The following LGI3 variants were observed in gnomAD, a reference collection of about 807,000 sequenced individuals.
The protein encoded by LGI3 is leucine-rich repeat LGI family member 3.
LGI3 carries 47 observed loss-of-function variants against 55.4 expected under a neutral mutation model. The observed-to-expected ratio is 0.85, with a 90% CI of 0.67 to 1.08. LGI3 has a LOEUF of 1.08. Among genes scored for constraint, LGI3 ranks in the 50% least tolerant of loss-of-function variants. The probability of loss-of-function intolerance (pLI) is 0.00; values close to 1 mark genes in which losing one functional copy is unlikely to be tolerated. For missense variants in LGI3, 664 were observed against 726.3 expected (o/e 0.91, Z 0.99); for synonymous variants, 326 against 315.0 (o/e 1.04, Z -0.37).
At chr8:22,154,745 C>CA in intron 2 of LGI3, 114 bp from the exon 3 acceptor site, 1 of 798,884 alleles carries the variant, frequency 1.3e-6, no homozygotes, top group Non-Finnish European at 2.1e-6. Context: ...GCTGCTACCC[C>CA]TGGGGACCCC....
Position 22,153,933 on chromosome 8 carries a change from C to A in LGI3, c.494+35G>T. The A allele has an allele frequency of 6.2e-6, 10 of 1,601,510 alleles. No individual in the cohort carries two copies. In the South Asian group the frequency reaches 9.9e-5, roughly 16 times the overall value. On this transcript the variant is annotated intron_variant, in intron 5 of 7. Coordinates refer to ENST00000306317, the MANE Select transcript of LGI3 (RefSeq NM_139278.4). ...ACTCCCTCCAGGGATGCGCCCTCTG[C>A]GGCACTGTTGGAAGAGGCAGGACTC...
In LGI3 at chr8:22,156,564, G is replaced by T. The variant is rs2131799403; in HGVS notation, c.-22C>A. 1.9e-6 allele frequency: 2 copies of T among 1,047,680 alleles called. No homozygotes were observed. Among genetic ancestry groups the T allele is most frequent in the Admixed American group, 8.7e-5 (2 of 23,102 alleles). The allele number at this position is 1,047,680 out of a possible 1,614,324, so 64.9% of individuals were successfully genotyped here. A position where few individuals can be genotyped will look rare whatever the true frequency, so the allele number is the denominator to read the frequency against. ...CCATGCTGCCCGCGATCTCTCCCTG[G>T]GGCCGGCGGCCGCGGCCCCCGCCCC... On this transcript the variant is annotated 5_prime_UTR_variant, in exon 1 of 8. Coordinates refer to ENST00000306317, the MANE Select transcript of LGI3 (RefSeq NM_139278.4).
At chr8:22,151,374 A>G (rs1184103898) in intron 7 of LGI3, 115 bp downstream of exon 7, 5 of 978,914 alleles carry the variant, frequency 5.1e-6, no homozygotes, top group Non-Finnish European at 7.7e-6. Context: ...TCTTGTGGGC[A>G]GAGGGTATGT....
intron 2 of LGI3, chr8:22,155,001 G>A (rs915288759): frequency 2.5e-6 from 1 of 404,740 alleles, no homozygotes; most frequent in Non-Finnish European, 4.5e-6. Context: ...AGACACTCCT[G>A]CCATCCCTTT....
rs1827380102 is a variant in LGI3 at position 22,151,655 on chromosome 8, T to G, written c.665-2A>C. 1.2e-6 allele frequency: 2 copies of G among 1,613,400 alleles called. No individual in the cohort carries two copies. The highest frequency in any genetic ancestry group is 1.7e-6 in the Non-Finnish European group (2 of 1,179,726). On this transcript the variant is annotated splice_acceptor_variant, in intron 6 of 7. Transcript: ENST00000306317. LOFTEE classifies it high-confidence loss of function. ...CCAGGGTCTGGTACAACACAAAATCTGCAAGATGAGAGGTGCGTTACTGAA... is the reference window on the plus strand; with the variant it reads ...CCAGGGTCTGGTACAACACAAAATCGGCAAGATGAGAGGTGCGTTACTGAA...
chr8:22,154,043 C>G lies in LGI3; in HGVS notation c.423-4G>C. On this transcript the variant is annotated splice_polypyrimidine_tract_variant and splice_region_variant and intron_variant, in intron 4 of 7. Coordinates refer to ENST00000306317, the MANE Select transcript of LGI3 (RefSeq NM_139278.4). ...CAGGTTATTGTTGGCCAGCGAGCTG[C>G]AAAAGAGACCGCCAGGTCATCTGAA... The G allele has an allele frequency of 1.2e-6, 2 of 1,614,162 alleles. No individual in the cohort carries two copies. The highest frequency in any genetic ancestry group is 1.7e-6 in the Non-Finnish European group (2 of 1,180,022).
chr8:22,149,776 C>T (rs149667493), intron 7 of LGI3, among the ~76,000 whole-genome samples: 29 of 152,222 alleles, frequency 1.9e-4, no homozygotes, highest in African/African-American at 6.5e-4. Context: ...CCCACCTTTC[C>T]CCCAAGAGAA....
intron 5 of LGI3, among the ~76,000 whole-genome samples, chr8:22,152,676 G>C (rs141134056): frequency 1.6e-3 from 238 of 151,500 alleles, no homozygotes; most frequent in African/African-American, 5.4e-3. Flanking sequence ...GGGAGGCAGA[G>C]GTTGCAGTGA....
intron 7 of LGI3, 28 bp downstream of exon 7, chr8:22,151,460 GC>G (rs1827376625): frequency 6.2e-7 from 1 of 1,610,114 alleles, no homozygotes; most frequent in Non-Finnish European, 8.5e-7. Flanking sequence ...CCTAGCAAGG[GC>G]CAGCAGAACC....
chr8:22,151,991 C>G lies in LGI3; in HGVS notation c.504G>C (p.Arg168=), dbSNP rs1384989932. Residue 168 remains arginine, a synonymous_variant, in exon 6 of 8, where the codon CGG becomes CGC. Transcript: ENST00000306317. ...PLDILNDLDL[R]GNSLNCDCKV... The stretch of plus-strand genomic sequence containing the variant: ...TGCAGTCACAGTTGAGTGAGTTGCC[C>G]CGCAGGTCCCTGCATCATGAGGGCA... The G allele has an allele frequency of 6.2e-7, 1 of 1,600,058 alleles. No individual in the cohort carries two copies. Among genetic ancestry groups the G allele is most frequent in the East Asian group, 2.2e-5 (1 of 44,578 alleles).
At position 22,148,838 on chromosome 8, in the gene LGI3, C is replaced by A. The variant is rs148277988; in HGVS notation, c.969G>T (p.Pro323=). The A allele has an allele frequency of 3.1e-6, 5 of 1,614,024 alleles. No individual in the cohort carries two copies. The South Asian group carries it at 3.3e-5, about 11-fold the overall frequency. The change falls in exon 8 of 8, where the codon CCG becomes CCT. Residue 323 remains proline (P), a synonymous_variant. Transcript: ENST00000306317. This position sits in a 1 kb window ranked among gnomAD's most constrained non-coding sequence, Gnocchi z 7.0. ...GGTCGTTAGGCTTGCGCACGCGCTG[C>A]GGGTCAATGTCTTGCAGCCTGGTGA... ...TRFTRLQDID[P]QRVRKPNDLE... is the part of the protein sequence containing the mutation.
chr8:22,150,484 G>A (rs999613096), intron 7 of LGI3, among the ~76,000 whole-genome samples: 13 of 149,252 alleles, frequency 8.7e-5, no homozygotes, highest in South Asian at 6.4e-4. Context: ...TCAACCTCCC[G>A]AGTAGCTGGG....
chr8:22,156,326 T>A lies in LGI3; in HGVS notation c.206+11A>T. 1 of 1,610,692 alleles carries A rather than the reference T, an allele frequency of 6.2e-7. No individual in the cohort carries two copies. The highest frequency in any genetic ancestry group is 8.5e-7 in the Non-Finnish European group (1 of 1,179,266). On this transcript the variant is annotated intron_variant, in intron 1 of 7. Coordinates refer to ENST00000306317, the MANE Select transcript of LGI3 (RefSeq NM_139278.4). Reference sequence around the variant, plus strand: ...CCTCCCCAACCCCCAAGGCCAGGGCTGGACACTCACAGGGAGATGACCTCC... The same window carrying A: ...CCTCCCCAACCCCCAAGGCCAGGGCAGGACACTCACAGGGAGATGACCTCC...
chr8:22,148,060 G>C lies in LGI3; in HGVS notation c.*100C>G. On this transcript the variant is annotated 3_prime_UTR_variant, in exon 8 of 8. Coordinates refer to ENST00000306317, the MANE Select transcript of LGI3 (RefSeq NM_139278.4). This position sits in a 1 kb window ranked among gnomAD's most constrained non-coding sequence, Gnocchi z 7.0. ...GTGCGGATACAAGGGCATGAATGCA[G>C]GTTGGTCGCTTGTCTTCACACAGGC... 1.0e-6 allele frequency: 1 copy of C among 979,110 alleles called. No individual in the cohort carries two copies. Among genetic ancestry groups the C allele is most frequent in the South Asian group, 1.6e-5 (1 of 63,826 alleles). The allele number at this position is 979,110 out of a possible 1,614,324, so 60.7% of individuals were successfully genotyped here. A position where few individuals can be genotyped will look rare whatever the true frequency, so the allele number is the denominator to read the frequency against.
intron 7 of LGI3, among the ~76,000 whole-genome samples, chr8:22,150,455 T>C (rs1586407178): frequency 2.0e-5 from 3 of 148,328 alleles, no homozygotes; most frequent in African/African-American, 7.5e-5. Context: ...GCCTCCCAGG[T>C]TCATGACATT....
chr8:22,148,860 G>A lies in LGI3; in HGVS notation c.947C>T (p.Thr316Ile). 3 of 1,614,222 alleles carry A rather than the reference G, an allele frequency of 1.9e-6. No individual in the cohort carries two copies. The highest frequency in any genetic ancestry group is 1.7e-6 in the Non-Finnish European group (2 of 1,180,028). The change falls in exon 8 of 8, where the codon ACC becomes ATC. Residue 316 changes from threonine to isoleucine, a missense_variant. Physicochemically the swap from Thr to Ile is moderately conservative, Grantham distance 89. Coordinates refer to ENST00000306317, the MANE Select transcript of LGI3 (RefSeq NM_139278.4). This position sits in a 1 kb window ranked among gnomAD's most constrained non-coding sequence, Gnocchi z 7.0. ...CTGCGGGTCAATGTCTTGCAGCCTG[G>A]TGAAGCGCGTGGTGTTGGGATCCCA... Reference protein sequence around the residue: ...YHWDPNTTRFTRLQDIDPQRV... With the variant: ...YHWDPNTTRFIRLQDIDPQRV...
intron 7 of LGI3, among the ~76,000 whole-genome samples, chr8:22,150,785 C>T (rs1253953258): frequency 6.6e-6 from 1 of 151,964 alleles, no homozygotes; most frequent in Non-Finnish European, 1.5e-5. Context: ...TGGCCCCACA[C>T]CTAGCCTTTT....
At chr8:22,153,546 C>T (rs1056079955) in intron 5 of LGI3, among the ~76,000 whole-genome samples, 11 of 151,650 alleles carry the variant, frequency 7.3e-5, no homozygotes, top group African/African-American at 2.7e-4. Flanking sequence ...ACTAAAAATA[C>T]AAAAAATTAG....
In LGI3 at chr8:22,151,929, T is replaced by C. The variant is rs1202973475; in HGVS notation, c.566A>G (p.Asn189Ser). ...GCAGTAGATGGGTGCCACCGTGGTG[T>C]TGGTGTGTGCCAGCCACTCCACCAA... is the stretch of plus-strand genomic sequence containing the variant. ...KWLVEWLAHT[N>S]TTVAPIYCAS... The change falls in exon 6 of 8, where the codon AAC (asparagine) becomes AGC (serine). Residue 189 changes from asparagine to serine, a missense_variant. Transcript: ENST00000306317. 1 of 1,612,886 alleles carries C rather than the reference T, an allele frequency of 6.2e-7. No individual in the cohort carries two copies. The highest frequency in any genetic ancestry group is 2.2e-5 in the East Asian group (1 of 44,896).
Sources: gnomAD v4.1 joint callset for allele counts (sites outside exome capture counted in the v4.1 genomes callset) on GRCh38, gnomAD v4.1.1 for gene constraint, Gnocchi (gnomAD v3.1) non-coding constraint, MANE v1.5 for transcripts, NCBI Gene and HGNC (gene_info 2026-07-23, HGNC 2026-07-21) for gene names.